The following CNTNAP2 variants were observed in gnomAD, a reference collection of about 807,000 sequenced individuals.
CNTNAP2 encodes the protein contactin associated protein 2, also known as contactin-associated protein-like 2.
A neutral mutation model predicts 155.2 loss-of-function variants in CNTNAP2; 98 were observed. The ratio of observed to expected loss-of-function variants is 0.63; its 90% CI spans 0.54 to 0.75. CNTNAP2 has a LOEUF of 0.75. Ranked by LOEUF, CNTNAP2 falls within the 30% of genes least tolerant of loss-of-function variation. CNTNAP2 has a pLI of 0.00. For synonymous variants in CNTNAP2, 651 were observed against 631.2 expected, an observed-to-expected ratio of 1.03 and a Z score of -0.47; for missense variants, 1,727 against 1,688.1, an observed-to-expected ratio of 1.02 and a Z score of -0.40.
chr7:147,777,491 G>C (rs1230623239), intron 13 of CNTNAP2, among the ~76,000 whole-genome samples: 2 of 152,148 alleles, frequency 1.3e-5, no homozygotes, highest in Non-Finnish European at 2.9e-5. Context: ...CTGGGAGCCC[G>C]GTTCCCCTGT....
At chr7:146,427,013 T>G (rs978760535) in intron 1 of CNTNAP2, among the ~76,000 whole-genome samples, 8 of 152,186 alleles carry the variant, frequency 5.3e-5, no homozygotes, top group Admixed American at 1.3e-4. Flanking sequence ...AAACTGCTTA[T>G]TTTCCACTAT....
chr7:148,346,801 A>T (rs987145941), intron 21 of CNTNAP2, among the ~76,000 whole-genome samples: 20 of 150,984 alleles, frequency 1.3e-4, no homozygotes, highest in African/African-American at 4.9e-4. Flanking sequence ...AAAAAAAATT[A>T]ATGGTTAAAA....
intron 1 of CNTNAP2, among the ~76,000 whole-genome samples, chr7:146,645,439 C>T (rs117806399): frequency 0.022 from 3,392 of 152,194 alleles, 46 homozygotes; most frequent in Middle Eastern, 0.041. Context: ...TACCCCCTGG[C>T]CACAGTGCCA....
intron 8 of CNTNAP2, among the ~76,000 whole-genome samples, chr7:147,157,407 G>A (rs1801945740): frequency 6.6e-6 from 1 of 152,052 alleles, no homozygotes; most frequent in African/African-American, 2.4e-5. Context: ...TAGCCTGAAT[G>A]GAAACAAATA....
At chr7:147,027,646 C>T (rs35403762) in intron 3 of CNTNAP2, among the ~76,000 whole-genome samples, 15,434 of 152,122 alleles carry the variant, frequency 0.1, 868 homozygotes, top group Middle Eastern at 0.15. Context: ...CCCTTTTGGA[C>T]AGTTTATAAA....
chr7:146,757,894 A>G (rs533273637), intron 1 of CNTNAP2, among the ~76,000 whole-genome samples: 7 of 152,036 alleles, frequency 4.6e-5, no homozygotes, highest in Non-Finnish European at 8.8e-5. Context: ...AATTCAGTGG[A>G]TTGGGCCTTC....
At chr7:148,271,078 A>T (rs913364006) in intron 21 of CNTNAP2, among the ~76,000 whole-genome samples, 1 of 152,246 alleles carries the variant, frequency 6.6e-6, no homozygotes, top group East Asian at 1.9e-4. Flanking sequence ...GTCTTAAGAC[A>T]TACACAACAC....
At chr7:147,385,863 C>T (rs1382287290) in intron 9 of CNTNAP2, among the ~76,000 whole-genome samples, 2 of 152,228 alleles carry the variant, frequency 1.3e-5, no homozygotes, top group Admixed American at 6.5e-5. Context: ...CCACATTTCC[C>T]TTCTGCACTG....
intron 11 of CNTNAP2, among the ~76,000 whole-genome samples, chr7:147,525,244 G>A (rs1314074149): frequency 3.3e-5 from 5 of 152,194 alleles, no homozygotes; most frequent in Non-Finnish European, 2.9e-5. Flanking sequence ...GAAACACAGA[G>A]CATATGCTGT....
chr7:148,057,043 T>C (rs2116504158), intron 15 of CNTNAP2, among the ~76,000 whole-genome samples: 1 of 152,264 alleles, frequency 6.6e-6, no homozygotes, highest in East Asian at 1.9e-4. Flanking sequence ...CTTTTCTGAG[T>C]CTTCATTTTC....
chr7:146,119,170 G>A (rs1313610034), intron 1 of CNTNAP2, among the ~76,000 whole-genome samples: 4 of 152,048 alleles, frequency 2.6e-5, no homozygotes, highest in African/African-American at 4.8e-5. Context: ...AACTCAACCA[G>A]GAGAGGTCAT....
At chr7:146,821,541 G>A (rs143661591) in intron 2 of CNTNAP2, among the ~76,000 whole-genome samples, 310 of 152,044 alleles carry the variant, frequency 2.0e-3, no homozygotes, top group East Asian at 6.4e-3. Context: ...GGCAACCTAC[G>A]AAATGGGAGA....
At chr7:147,139,829 C>T (rs183072882) in intron 8 of CNTNAP2, among the ~76,000 whole-genome samples, 38 of 152,104 alleles carry the variant, frequency 2.5e-4, no homozygotes, top group Non-Finnish European at 5.0e-4. Flanking sequence ...CTTTCTTCAT[C>T]AAGGTTTTTC....
chr7:147,043,574 A>G (rs1486884165), intron 3 of CNTNAP2, among the ~76,000 whole-genome samples: 2 of 152,244 alleles, frequency 1.3e-5, no homozygotes, highest in Non-Finnish European at 2.9e-5. Context: ...GTTAGATGCT[A>G]TAAAAATCAT....
chr7:147,080,778 A>G (rs1440333501), intron 4 of CNTNAP2, among the ~76,000 whole-genome samples: 1 of 151,008 alleles, frequency 6.6e-6, no homozygotes, highest in East Asian at 1.9e-4. Flanking sequence ...CCTCATGTCA[A>G]TTAGAATCAG....
chr7:146,719,354 T>C (rs1176513931), intron 1 of CNTNAP2, among the ~76,000 whole-genome samples: 1 of 152,188 alleles, frequency 6.6e-6, no homozygotes, highest in African/African-American at 2.4e-5. Flanking sequence ...CAAGTTTTAA[T>C]CTATGTCCCT....
chr7:146,924,670 G>C (rs1796569442), intron 3 of CNTNAP2, among the ~76,000 whole-genome samples: 1 of 151,938 alleles, frequency 6.6e-6, no homozygotes, highest in African/African-American at 2.4e-5. Context: ...CAGGAGAGTA[G>C]GAAGTCAGAT....
intron 18 of CNTNAP2, among the ~76,000 whole-genome samples, chr7:148,208,254 A>G (rs907537225): frequency 1.3e-5 from 2 of 152,224 alleles, no homozygotes; most frequent in Non-Finnish European, 2.9e-5. Flanking sequence ...TTGAGTGACC[A>G]TGCAGATGCA....
At chr7:148,103,698 G>A (rs549952991) in intron 15 of CNTNAP2, among the ~76,000 whole-genome samples, 2 of 152,264 alleles carry the variant, frequency 1.3e-5, no homozygotes, top group South Asian at 4.1e-4. Flanking sequence ...GCTCTCAGAT[G>A]TGTTCTTTTT....
Sources: allele counts gnomAD v4.1 joint callset (sites outside exome capture counted in the v4.1 genomes callset), GRCh38; gene constraint gnomAD v4.1.1; transcripts MANE v1.5; gene names NCBI Gene and HGNC (gene_info 2026-07-23, HGNC 2026-07-21).